The following FCMR variants were observed in gnomAD, a reference collection of about 807,000 sequenced individuals.
The protein encoded by FCMR is immunoglobulin mu Fc receptor.
In FCMR, 34 loss-of-function variants were observed where a neutral mutation model predicts 41.6. The ratio of observed to expected loss-of-function variants is 0.82; its 90% CI spans 0.62 to 1.09. The LOEUF (loss-of-function observed/expected upper bound fraction) is 1.09, where lower values mean the gene tolerates loss of function less well. Among genes scored for constraint, FCMR ranks in the 50% least tolerant of loss-of-function variants. The pLI is 0.00. For missense variants in FCMR, 496 were observed against 512.5 expected (o/e 0.97, Z 0.31); for synonymous variants, 209 against 211.8 (o/e 0.99, Z 0.12).
intron 7 of FCMR, among the ~76,000 whole-genome samples, chr1:206,907,457 C>T (rs1479076901): frequency 2.6e-5 from 4 of 152,208 alleles, no homozygotes; most frequent in African/African-American, 9.6e-5. Flanking sequence ...CCTCTTGGCT[C>T]ACTGGCTCAG....
intron 7 of FCMR, among the ~76,000 whole-genome samples, chr1:206,906,611 A>G (rs1678656301): frequency 6.6e-6 from 1 of 152,200 alleles, no homozygotes; most frequent in Non-Finnish European, 1.5e-5. Flanking sequence ...AGAAATGGAA[A>G]TGCTCCCCAT....
Position 206,904,556 on chromosome 1 carries a change from G to A in FCMR, c.*463C>T. On this transcript the variant is annotated 3_prime_UTR_variant, in exon 8 of 8. Transcript: ENST00000367091. ...ATACCAGACCCCTGCTTAGTCCATG[G>A]GGCTGAGGCATGTCACATAACTCAG... 1 of 179,298 alleles carries A rather than the reference G, an allele frequency of 5.6e-6. No individual in the cohort carries two copies. The highest frequency in any genetic ancestry group is 1.4e-4 in the East Asian group (1 of 7,310). The allele number at this position is 179,298 out of a possible 1,614,324, so 11.1% of individuals were successfully genotyped here.
chr1:206,911,540 T>G, intron 4 of FCMR, among the ~76,000 whole-genome samples, 190 bp downstream of exon 4: 1 of 152,234 alleles, frequency 6.6e-6, no homozygotes, highest in East Asian at 1.9e-4. Context: ...ACAGGATCAA[T>G]GCTGGGGCAT....
intron 1 of FCMR, chr1:206,917,793 ATTT>A (rs36032902): frequency 1.7e-4 from 75 of 433,274 alleles, no homozygotes; most frequent in African/African-American, 3.5e-4. Context: ...TGTGTGGCGA[ATTT>A]TTTTTTTTTT....
At chr1:206,905,222 T>A in intron 7 of FCMR, 75 bp from the exon 8 acceptor site, 1 of 1,541,448 alleles carries the variant, frequency 6.5e-7, no homozygotes, top group Non-Finnish European at 8.9e-7. Context: ...ATTTTCATAG[T>A]GGGCAATGGG....
At chr1:206,915,453 A>G (rs1259029873) in intron 1 of FCMR, among the ~76,000 whole-genome samples, 1 of 152,108 alleles carries the variant, frequency 6.6e-6, no homozygotes. Flanking sequence ...GTATGTGTGC[A>G]TAGGTGTGCA....
At chr1:206,922,388 A>T (rs143235689), upstream of FCMR, among the ~76,000 whole-genome samples, 260 of 152,274 alleles carry the variant, frequency 1.7e-3, 3 homozygotes, top group African/African-American at 5.6e-3. Flanking sequence ...ACTCACCTTT[A>T]CAATAGTTTT....
At chr1:206,917,199 G>A (rs768827710) in intron 1 of FCMR, among the ~76,000 whole-genome samples, 21 of 152,190 alleles carry the variant, frequency 1.4e-4, no homozygotes, top group Admixed American at 2.6e-4. Context: ...CTTGGTGGCT[G>A]GGGAGCTCTG....
At chr1:206,907,556 G>A (rs924218839) in intron 7 of FCMR, 2 of 553,694 alleles carry the variant, frequency 3.6e-6, no homozygotes, top group African/African-American at 3.7e-5. Flanking sequence ...GGAGTCTGCT[G>A]CATTAGCTTA....
chr1:206,908,287 C>T, intron 7 of FCMR: 2 of 944,016 alleles, frequency 2.1e-6, no homozygotes, highest in African/African-American at 1.7e-5. Flanking sequence ...CCTCCATCGT[C>T]GCCCTGGAAT....
intron 1 of FCMR, chr1:206,917,841 A>T (rs1189526814): frequency 2.2e-6 from 1 of 453,542 alleles, no homozygotes; most frequent in Non-Finnish European, 4.4e-6. Context: ...CTGGTCTTGA[A>T]TCCCAGGCTC....
At position 206,907,324 on chromosome 1, in the gene FCMR, T is replaced by C. The variant is rs894166809; in HGVS notation, c.1044+2138A>G. ...CATGGGCTTAAGAAGCAGCATTCTC[T>C]TCCTCCCTCCTGTAAGCTGGGACGT... On this transcript the variant is annotated intron_variant, in intron 7 of 7. Transcript: ENST00000367091. Among the ~76,000 whole-genome samples, 4 of 152,206 alleles carry C rather than the reference T, an allele frequency of 2.6e-5. No individual in the cohort carries two copies. In the South Asian group the frequency reaches 8.3e-4, roughly 31 times the overall value.
chr1:206,909,435 G>C lies in FCMR; in HGVS notation c.1044+27C>G. ...GGGGCCGCCCAGTCGGGCCGCGGCT[G>C]CCAATCAGGGCAGGAGCGGAGCTTA... On this transcript the variant is annotated intron_variant, in intron 7 of 7. Transcript: ENST00000367091. This position sits in a 1 kb window ranked among gnomAD's most constrained non-coding sequence, Gnocchi z 5.0. 1 of 1,226,780 alleles carries C rather than the reference G, an allele frequency of 8.2e-7. No homozygotes were observed. Among genetic ancestry groups the C allele is most frequent in the Non-Finnish European group, 1.0e-6 (1 of 981,350 alleles). The allele number at this position is 1,226,780 out of a possible 1,614,324, so 76.0% of individuals were successfully genotyped here. A position where few individuals can be genotyped will look rare whatever the true frequency, so the allele number is the denominator to read the frequency against.
At chr1:206,914,408 T>TTTCC (rs139929593) in intron 1 of FCMR, among the ~76,000 whole-genome samples, 74 of 144,298 alleles carry the variant, frequency 5.1e-4, no homozygotes, top group East Asian at 2.0e-3. Context: ...TCTTTCTTTC[T>TTTCC]TTCCTTCCTT....
chr1:206,910,704 C>A (rs956528002), intron 4 of FCMR, among the ~76,000 whole-genome samples: 2 of 152,014 alleles, frequency 1.3e-5, no homozygotes, highest in African/African-American at 2.4e-5. Context: ...AGTTTCTTCA[C>A]GAGATTATTG....
chr1:206,914,440 T>TC (rs930359650), intron 1 of FCMR, among the ~76,000 whole-genome samples: 2 of 148,240 alleles, frequency 1.3e-5, no homozygotes, highest in African/African-American at 5.0e-5. Context: ...TTCTTTTCTT[T>TC]TTTTTTTTTT....
intron 1 of FCMR, among the ~76,000 whole-genome samples, chr1:206,916,617 A>C (rs922050958): frequency 6.6e-6 from 1 of 152,234 alleles, no homozygotes; most frequent in Non-Finnish European, 1.5e-5. Context: ...GCGATGTGAA[A>C]ATGACCAGTC....
chr1:206,917,877 CAAAG>C, intron 1 of FCMR: 1 of 451,452 alleles, frequency 2.2e-6, no homozygotes, highest in Admixed American at 2.4e-5. Flanking sequence ...CTCAGCCTCC[CAAAG>C]TGTTGGGATT....
At position 206,904,220 on chromosome 1, in the gene FCMR, G is replaced by C. The variant is rs766644605; in HGVS notation, c.*799C>G. 1 of 151,994 alleles carries C rather than the reference G, an allele frequency of 6.6e-6. No homozygotes were observed. The highest frequency in any genetic ancestry group is 1.9e-4 in the East Asian group (1 of 5,318). 9.4% of individuals were successfully genotyped at this position (151,994 alleles called of 1,614,324 possible). Reference sequence around the variant, plus strand: ...GAAAACCAAGAAATGTAATGGTTTTGGATGAATAAAATAGACCAAAGTTAA... The same window carrying C: ...GAAAACCAAGAAATGTAATGGTTTTCGATGAATAAAATAGACCAAAGTTAA... On this transcript the variant is annotated 3_prime_UTR_variant, in exon 8 of 8. Coordinates refer to ENST00000367091, the MANE Select transcript of FCMR (RefSeq NM_005449.5).
Sources: gnomAD v4.1 joint callset for allele counts (sites outside exome capture counted in the v4.1 genomes callset) on GRCh38, gnomAD v4.1.1 for gene constraint, Gnocchi (gnomAD v3.1) non-coding constraint, MANE v1.5 for transcripts, NCBI Gene and HGNC (gene_info 2026-07-23, HGNC 2026-07-21) for gene names.